Variants in IGSF11 observed in about 807,000 individuals in gnomAD.
The protein encoded by IGSF11 is immunoglobulin superfamily member 11.
A neutral mutation model predicts 41.0 loss-of-function variants in IGSF11; 22 were observed. The observed-to-expected ratio is 0.54, with a 90% CI of 0.38 to 0.77. IGSF11 has a LOEUF of 0.77. IGSF11 is among the 30% of genes least tolerant of loss of function. The pLI is 0.00. For synonymous variants in IGSF11, 219 were observed against 201.3 expected, an observed-to-expected ratio of 1.09 and a Z score of -0.74; for missense variants, 444 against 530.8, an observed-to-expected ratio of 0.84 and a Z score of 1.61.
chr3:119,058,144 G>GCTT (rs1479788016), intron 1 of IGSF11, among the ~76,000 whole-genome samples: 3 of 152,260 alleles, frequency 2.0e-5, no homozygotes, highest in Admixed American at 2.0e-4. Flanking sequence ...AAACTCAAGA[G>GCTT]CTTCTGCACA....
chr3:118,960,202 C>A (rs1945250024), intron 1 of IGSF11, among the ~76,000 whole-genome samples: 1 of 151,944 alleles, frequency 6.6e-6, no homozygotes, highest in African/African-American at 2.4e-5. Flanking sequence ...ATTATCTAGC[C>A]CAGTAATTCC....
chr3:118,939,505 G>C (rs1282353088), intron 1 of IGSF11, among the ~76,000 whole-genome samples: 1 of 151,786 alleles, frequency 6.6e-6, no homozygotes, highest in Non-Finnish European at 1.5e-5. Flanking sequence ...GAACCCAGGA[G>C]GCAAAGGTTG....
intron 1 of IGSF11, among the ~76,000 whole-genome samples, chr3:119,026,097 C>A (rs1394974221): frequency 6.6e-6 from 1 of 152,090 alleles, no homozygotes. Flanking sequence ...GGTGAAACCC[C>A]GTCTCTACTA....
intron 1 of IGSF11, among the ~76,000 whole-genome samples, chr3:119,102,239 A>G (rs1486476027): frequency 6.6e-6 from 1 of 152,222 alleles, no homozygotes; most frequent in Non-Finnish European, 1.5e-5. Context: ...ATGGAATTAT[A>G]TTCTCTGGGT....
intron 1 of IGSF11, among the ~76,000 whole-genome samples, chr3:119,004,070 T>A (rs1377884170): frequency 1.1e-4 from 17 of 151,752 alleles, no homozygotes; most frequent in Non-Finnish European, 2.2e-4. Context: ...CTGGTAGAAT[T>A]CGGCTGTGAA....
intron 1 of IGSF11, among the ~76,000 whole-genome samples, chr3:118,941,958 T>C (rs1246619749): frequency 6.6e-6 from 1 of 152,104 alleles, no homozygotes; most frequent in Non-Finnish European, 1.5e-5. Flanking sequence ...AGTTGCCAGA[T>C]GCTGGAGCTG....
intron 1 of IGSF11, among the ~76,000 whole-genome samples, chr3:119,095,882 A>T (rs561033354): frequency 6.6e-6 from 1 of 152,304 alleles, no homozygotes; most frequent in Non-Finnish European, 1.5e-5. Flanking sequence ...AGAAGCTTTC[A>T]TTCTTGGTAT....
chr3:118,997,134 A>G (rs1936349957), intron 1 of IGSF11, among the ~76,000 whole-genome samples: 1 of 151,990 alleles, frequency 6.6e-6, no homozygotes, highest in South Asian at 2.1e-4. Context: ...TTCAGGACTA[A>G]ACAGTAATAG....
intron 1 of IGSF11, among the ~76,000 whole-genome samples, chr3:119,058,509 C>A (rs1032773453): frequency 6.6e-6 from 1 of 151,962 alleles, no homozygotes; most frequent in African/African-American, 2.4e-5. Context: ...AATAAGAACA[C>A]TTTTACACTG....
In IGSF11 at chr3:119,014,499, A is replaced by G. The variant is rs558203421; in HGVS notation, c.52+20032T>C. On this transcript the variant is annotated intron_variant, in intron 1 of 6. Transcript: ENST00000393775. ...GTATTTTATTGAGATGGAAAGACAG[A>G]GACAGAAAGGCCCCAAGAAGAGATG... Among the ~76,000 whole-genome samples, 118 of 152,364 alleles carry G rather than the reference A, an allele frequency of 7.7e-4. 1 individual carries two copies. The highest frequency in any genetic ancestry group is 2.8e-3 in the African/African-American group (116 of 41,590).
rs376271003 is a variant in IGSF11 at position 119,080,965 on chromosome 3, GT to G, written c.49+24178del. 4.8e-3 allele frequency among the ~76,000 whole-genome samples: 722 copies of G among 149,074 alleles called. 13 individuals carry two copies. The highest frequency in any genetic ancestry group is 0.017 in the African/African-American group (683 of 40,580). ...CAAAAAGTTTCAGGGTTTATTTATT[GT>G]TTTTTTTTCAATGTATTAATTTTCA... On this transcript the variant is annotated intron_variant, in intron 1 of 6. Transcript: ENST00000354673.
chr3:118,930,536 G>A (rs776528003), intron 1 of IGSF11, among the ~76,000 whole-genome samples: 1 of 152,178 alleles, frequency 6.6e-6, no homozygotes, highest in Non-Finnish European at 1.5e-5. Flanking sequence ...TATGTGGCCA[G>A]ATTCAAATAC....
At chr3:118,935,369 G>GAT (rs202160040) in intron 1 of IGSF11, among the ~76,000 whole-genome samples, 75 of 131,658 alleles carry the variant, frequency 5.7e-4, no homozygotes, top group Non-Finnish European at 2.6e-4. Context: ...TACACCCTGA[G>GAT]ATATATACAC....
At chr3:118,970,750 CAA>C (rs56812884) in intron 1 of IGSF11, among the ~76,000 whole-genome samples, 1,454 of 102,114 alleles carry the variant, frequency 0.014, 29 homozygotes, top group African/African-American at 0.042. Flanking sequence ...CACAGTTTTA[CAA>C]AAAAAAAAAA....
At chr3:119,101,348 A>G (rs1374524778) in intron 1 of IGSF11, among the ~76,000 whole-genome samples, 4 of 152,140 alleles carry the variant, frequency 2.6e-5, no homozygotes, top group Non-Finnish European at 5.9e-5. Flanking sequence ...TGTCTCTACT[A>G]AAAATACAAA....
At position 118,901,573 on chromosome 3, in the gene IGSF11, A is replaced by C. The variant is rs1938859887; in HGVS notation, c.*947T>G. ...CTGTAATAGCAAGGGAGATCTGAAC[A>C]ACCTTGCTCTGAGAGGCTGCCCAGC... On this transcript the variant is annotated 3_prime_UTR_variant, in exon 7 of 7. Transcript: ENST00000393775. 6.6e-6 allele frequency: 1 copy of C among 152,140 alleles called. No individual in the cohort carries two copies. Among genetic ancestry groups the C allele is most frequent in the Admixed American group, 6.6e-5 (1 of 15,266 alleles). 9.4% of individuals were successfully genotyped at this position (152,140 alleles called of 1,614,324 possible). A position where few individuals can be genotyped will look rare whatever the true frequency, so the allele number is the denominator to read the frequency against.
intron 1 of IGSF11, among the ~76,000 whole-genome samples, chr3:119,094,251 A>AAAAAAAAAAAAAAAAAAAAAAAAT (rs2076812553): frequency 7.9e-6 from 1 of 125,966 alleles, no homozygotes; most frequent in Non-Finnish European, 1.7e-5. Flanking sequence ...AAAAAAAAAA[A>AAAAAAAAAAAAAAAAAAAAAAAAT]GTTGTTGTTC....
intron 1 of IGSF11, among the ~76,000 whole-genome samples, chr3:119,045,476 C>A (rs913530785): frequency 6.6e-6 from 1 of 152,220 alleles, no homozygotes; most frequent in Non-Finnish European, 1.5e-5. Context: ...ATATCCCGCA[C>A]ATGGCTCGGA....
At chr3:118,956,880 G>A (rs1438948610) in intron 1 of IGSF11, among the ~76,000 whole-genome samples, 1 of 152,120 alleles carries the variant, frequency 6.6e-6, no homozygotes, top group Non-Finnish European at 1.5e-5. Flanking sequence ...AACCTTCAAT[G>A]TGTGAAAAAT....
Sources: gnomAD v4.1 joint callset for allele counts (sites outside exome capture counted in the v4.1 genomes callset) on GRCh38, gnomAD v4.1.1 for gene constraint, MANE v1.5 for transcripts, NCBI Gene and HGNC (gene_info 2026-07-23, HGNC 2026-07-21) for gene names.